RBFOX1: variants seen among roughly 807,000 people sequenced by gnomAD.
RBFOX1 encodes the protein RNA binding fox-1 homolog 1, also known as RNA binding protein fox-1 homolog 1.
RBFOX1 carries 8 observed loss-of-function variants against 57.7 expected under a neutral mutation model. The ratio of observed to expected loss-of-function variants is 0.14; its 90% CI spans 0.08 to 0.25. The LOEUF (loss-of-function observed/expected upper bound fraction) is 0.25. Ranked by LOEUF, RBFOX1 falls within the 10% of genes least tolerant of loss-of-function variation. The pLI is 1.00. For missense variants in RBFOX1, 611 were observed against 548.5 expected (o/e 1.11, Z -1.14); for synonymous variants, 326 against 222.4 (o/e 1.47, Z -4.15).
At chr16:6,471,302 C>T (rs1395736293) in intron 2 of RBFOX1, among the ~76,000 whole-genome samples, 1 of 152,174 alleles carries the variant, frequency 6.6e-6, no homozygotes, top group Non-Finnish European at 1.5e-5. Context: ...ATGCCCTTTG[C>T]CTTTAGTTAG....
In RBFOX1 at chr16:6,405,295, C is replaced by T. The variant is rs1252097531; in HGVS notation, c.-64+88238C>T. 2.6e-5 allele frequency among the ~76,000 whole-genome samples: 4 copies of T among 152,234 alleles called. No homozygotes were observed. The East Asian group carries it at 7.7e-4, about 29-fold the overall frequency. On this transcript the variant is annotated intron_variant, in intron 2 of 15. Transcript: ENST00000550418. ...CTCTGGAGAATTTGATTTGGAGACT[C>T]AATTAGTCATGACAAGTTAGGTTAT...
At chr16:7,386,876 C>G (rs1010415151) in intron 4 of RBFOX1, among the ~76,000 whole-genome samples, 6 of 152,176 alleles carry the variant, frequency 3.9e-5, no homozygotes, top group Non-Finnish European at 5.9e-5. Context: ...TCTCCACATC[C>G]TCTCCAGCAT....
At chr16:6,712,518 A>T (rs1042826054) in intron 3 of RBFOX1, among the ~76,000 whole-genome samples, 3 of 152,166 alleles carry the variant, frequency 2.0e-5, no homozygotes, top group African/African-American at 7.2e-5. Flanking sequence ...TGGTATTATC[A>T]TCTTTCCAGT....
chr16:6,498,630 G>T (rs570648156), intron 2 of RBFOX1, among the ~76,000 whole-genome samples: 1 of 152,270 alleles, frequency 6.6e-6, no homozygotes, highest in African/African-American at 2.4e-5. Context: ...TTAGTTCCTA[G>T]CACAATGTCT....
chr16:6,619,753 A>T (rs1418048201), intron 2 of RBFOX1, among the ~76,000 whole-genome samples: 1 of 138,108 alleles, frequency 7.2e-6, no homozygotes, highest in East Asian at 2.1e-4. Flanking sequence ...TACTGTTTTT[A>T]CATAGGTAAA....
chr16:5,944,276 T>C (rs893818777), intron 4 of RBFOX1, among the ~76,000 whole-genome samples: 4 of 152,192 alleles, frequency 2.6e-5, no homozygotes, highest in East Asian at 1.9e-4. Context: ...TGGTTGCTTA[T>C]CTCTAGGAAT....
intron 2 of RBFOX1, among the ~76,000 whole-genome samples, chr16:5,554,520 C>G (rs2045595003): frequency 6.6e-6 from 1 of 151,184 alleles, no homozygotes; most frequent in Non-Finnish European, 1.5e-5. Flanking sequence ...TAAAGCTGAC[C>G]ATTTTTACTT....
At chr16:7,200,799 C>T (rs1342753169) in intron 4 of RBFOX1, among the ~76,000 whole-genome samples, 6 of 152,154 alleles carry the variant, frequency 3.9e-5, no homozygotes, top group African/African-American at 1.2e-4. Context: ...GGGACTAACT[C>T]ATCGTGATGA....
At chr16:7,018,428 G>T (rs974371429) in intron 3 of RBFOX1, among the ~76,000 whole-genome samples, 1 of 152,094 alleles carries the variant, frequency 6.6e-6, no homozygotes, top group Non-Finnish European at 1.5e-5. Flanking sequence ...CATGAATATT[G>T]TCTTAATTGC....
intron 2 of RBFOX1, among the ~76,000 whole-genome samples, chr16:6,402,950 T>C (rs2093134665): frequency 6.6e-6 from 1 of 152,218 alleles, no homozygotes; most frequent in South Asian, 2.1e-4. Context: ...TGTGGATTAA[T>C]ACATCACATT....
intron 2 of RBFOX1, among the ~76,000 whole-genome samples, chr16:6,497,565 A>ACTTTTTT (rs772851122): frequency 6.8e-6 from 1 of 147,864 alleles, no homozygotes; most frequent in Admixed American, 6.7e-5. Context: ...AGTTTTTAAA[A>ACTTTTTT]AAAAAAAAAA....
At chr16:6,999,405 G>C (rs143465013) in intron 3 of RBFOX1, among the ~76,000 whole-genome samples, 603 of 150,540 alleles carry the variant, frequency 4.0e-3, no homozygotes, top group Non-Finnish European at 6.6e-3. Flanking sequence ...GAGTGATTTG[G>C]TGATACTTAA....
intron 2 of RBFOX1, among the ~76,000 whole-genome samples, chr16:5,592,265 C>A (rs1374818450): frequency 6.6e-6 from 1 of 151,986 alleles, no homozygotes; most frequent in Non-Finnish European, 1.5e-5. Context: ...TTTTAATTTT[C>A]TCAGATTGCC....
At chr16:7,121,364 C>T (rs1018595512) in intron 4 of RBFOX1, among the ~76,000 whole-genome samples, 5 of 151,788 alleles carry the variant, frequency 3.3e-5, no homozygotes, top group African/African-American at 1.2e-4. Context: ...TTATAAAATC[C>T]CAAGGAACTC....
intron 3 of RBFOX1, among the ~76,000 whole-genome samples, chr16:6,668,883 G>T (rs1048454511): frequency 3.9e-5 from 6 of 152,130 alleles, no homozygotes; most frequent in Non-Finnish European, 8.8e-5. Flanking sequence ...TTTAGGAAAT[G>T]CTTAATCAAG....
chr16:6,896,099 C>T (rs932777894), intron 3 of RBFOX1, among the ~76,000 whole-genome samples: 1 of 151,992 alleles, frequency 6.6e-6, no homozygotes, highest in Admixed American at 6.6e-5. Flanking sequence ...ATGGTGAAAC[C>T]CCATCTCTAT....
intron 1 of RBFOX1, among the ~76,000 whole-genome samples, chr16:6,022,182 A>G (rs899946805): frequency 6.6e-6 from 1 of 151,758 alleles, no homozygotes; most frequent in Non-Finnish European, 1.5e-5. Flanking sequence ...GCAGTTGTAC[A>G]TTTCTTCTGA....
intron 4 of RBFOX1, among the ~76,000 whole-genome samples, chr16:7,331,099 C>T (rs908237524): frequency 6.6e-6 from 1 of 152,146 alleles, no homozygotes; most frequent in Admixed American, 6.5e-5. Flanking sequence ...TAATTGAATT[C>T]TCTGCCAAAC....
At chr16:6,846,776 G>T (rs1481419053) in intron 3 of RBFOX1, among the ~76,000 whole-genome samples, 1 of 152,116 alleles carries the variant, frequency 6.6e-6, no homozygotes, top group East Asian at 1.9e-4. Flanking sequence ...ATAGGAGATG[G>T]CCACTTTCTT....
Sources: gnomAD v4.1 joint callset for allele counts (sites outside exome capture counted in the v4.1 genomes callset) on GRCh38, gnomAD v4.1.1 for gene constraint, MANE v1.5 for transcripts, NCBI Gene and HGNC (gene_info 2026-07-23, HGNC 2026-07-21) for gene names.